DLL1: variants seen among roughly 807,000 people sequenced by gnomAD.
DLL1 encodes the protein delta-like protein 1.
A neutral mutation model predicts 75.1 loss-of-function variants in DLL1; 9 were observed. The ratio of observed to expected loss-of-function variants is 0.12; its 90% CI spans 0.07 to 0.21. DLL1 has a LOEUF of 0.21. Among genes scored for constraint, DLL1 ranks in the 10% least tolerant of loss-of-function variants. The pLI is 1.00. For synonymous variants in DLL1, 477 were observed against 418.3 expected, an observed-to-expected ratio of 1.14 and a Z score of -1.71; for missense variants, 837 against 1,007.6, an observed-to-expected ratio of 0.83 and a Z score of 2.29.
In DLL1 at chr6:170,288,324, C is replaced by T; in HGVS notation, c.585G>A (p.Arg195=). ...GEGCSVFCRP[R]DDAFGHFTCG... Reference sequence around the variant, plus strand: ...AGGTGAAGTGGCCGAAGGCATCGTCCCGGGGACGGCAGAAAACGGAGCAGC... The same window carrying T: ...AGGTGAAGTGGCCGAAGGCATCGTCTCGGGGACGGCAGAAAACGGAGCAGC... The change falls in exon 4 of 11, where the codon CGG becomes CGA. Residue 195 remains arginine, a synonymous_variant. Transcript: ENST00000366756. 3 of 1,614,048 alleles carry T rather than the reference C, an allele frequency of 1.9e-6. No homozygotes were observed. The highest frequency in any genetic ancestry group is 2.5e-6 in the Non-Finnish European group (3 of 1,180,042).
rs779751133 is a variant in DLL1 at position 170,285,388 on chromosome 6, T to A, written c.898A>T (p.Asn300Tyr). The A allele has an allele frequency of 3.1e-6, 5 of 1,614,206 alleles. No homozygotes were observed. The highest frequency in any genetic ancestry group is 4.2e-6 in the Non-Finnish European group (5 of 1,180,026). ...CCCGTGTTGGTGCAGGTGGCTCCAT[T>A]CTTGCAGGGCTTATGGTGTGTGCAG... ...NYCTHHKPCK[N>Y]GATCTNTGQG... is the part of the protein sequence containing the mutation. Residue 300 changes from asparagine (N) to tyrosine (Y), a missense_variant, in exon 7 of 11, where the codon AAT becomes TAT. Asn to Tyr is a moderately radical substitution (Grantham distance 143, BLOSUM62 -2). This residue lies in a region of DLL1 where 304 missense variants were observed against 461.9 expected (regional missense o/e 0.66). Coordinates refer to ENST00000366756, the MANE Select transcript of DLL1 (RefSeq NM_005618.4).
At chr6:170,289,133 G>T in intron 2 of DLL1, 1 of 590,450 alleles carries the variant, frequency 1.7e-6, no homozygotes. Context: ...GGCACGCTCC[G>T]GGTGGTAGCG....
chr6:170,290,081 C>G lies in DLL1; in HGVS notation c.54+5G>C, dbSNP rs759462238. 6.3e-6 allele frequency: 10 copies of G among 1,581,106 alleles called. No homozygotes were observed. The highest frequency in any genetic ancestry group is 7.7e-6 in the Non-Finnish European group (9 of 1,172,518). ...GGGCCGCGGCGCCCCCACCTGCCCG[C>G]CTACCTGACACAGCAAGGCCGAGAG... is the stretch of plus-strand genomic sequence containing the variant. On this transcript the variant is annotated splice_donor_5th_base_variant and intron_variant, in intron 1 of 10. Coordinates refer to ENST00000366756, the MANE Select transcript of DLL1 (RefSeq NM_005618.4). This position sits in a 1 kb window ranked among gnomAD's most constrained non-coding sequence, Gnocchi z 4.7.
intron 8 of DLL1, 147 bp downstream of exon 8, chr6:170,284,772 A>C: frequency 1.1e-6 from 1 of 879,144 alleles, no homozygotes; most frequent in Non-Finnish European, 1.9e-6. Flanking sequence ...TTCCAGACTC[A>C]AAGATAGAGT....
At position 170,286,278 on chromosome 6, in the gene DLL1, C is replaced by A; in HGVS notation, c.691G>T (p.Asp231Tyr). The A allele has an allele frequency of 6.2e-7, 1 of 1,614,244 alleles. No homozygotes were observed. The highest frequency in any genetic ancestry group is 2.2e-5 in the East Asian group (1 of 44,882). ...TTGTCACAAAATCCATGCTGCTCAT[C>A]ACATCCAGGCAGGCAGATCGCTACA... The part of the protein sequence containing the change: ...CTEPICLPGC[D>Y]EQHGFCDKPG... Residue 231 changes from aspartate to tyrosine, a missense_variant, in exon 5 of 11, where the codon GAT becomes TAT. By Grantham distance (160) the Asp-to-Tyr change is radical. Around this residue, in one of 2 missense-constraint regions of DLL1, gnomAD observed 304 missense variants for 461.9 expected, o/e 0.66. Transcript: ENST00000366756.
At chr6:170,288,973 A>T (rs1783772556) in intron 2 of DLL1, among the ~76,000 whole-genome samples, 184 bp from the exon 3 acceptor site, 1 of 152,156 alleles carries the variant, frequency 6.6e-6, no homozygotes, top group South Asian at 2.1e-4. Context: ...AAGGAAATGG[A>T]AGAACTTTTT....
chr6:170,282,903 G>A (rs1783591437), intron 10 of DLL1, 24 bp from the exon 11 acceptor site: 2 of 1,614,202 alleles, frequency 1.2e-6, no homozygotes, highest in Non-Finnish European at 1.7e-6. Context: ...AGACAAATGG[G>A]AAGTTAGCCT....
intron 5 of DLL1, 128 bp downstream of exon 5, chr6:170,286,110 C>A (rs1674816383): frequency 9.6e-6 from 11 of 1,140,894 alleles, no homozygotes; most frequent in South Asian, 5.1e-5. Context: ...GAGAAAACGG[C>A]CCCCTGTTCA....
Position 170,285,606 on chromosome 6 carries a change from G to A in DLL1, c.825C>T (p.Asn275=). ...HGTCQQPWQC[N]CQEGWGGLFC... ...AAAGGCCCCCCCAGCCTTCCTGGCAGTTGCACTGCCAGGGCTGCTGGCAGG... is the reference window on the plus strand; with the variant it reads ...AAAGGCCCCCCCAGCCTTCCTGGCAATTGCACTGCCAGGGCTGCTGGCAGG... Residue 275 remains asparagine, a synonymous_variant, in exon 6 of 11, where the codon AAC becomes AAT. Transcript: ENST00000366756. 6.2e-7 allele frequency: 1 copy of A among 1,614,094 alleles called. No individual in the cohort carries two copies. Among genetic ancestry groups the A allele is most frequent in the Non-Finnish European group, 8.5e-7 (1 of 1,180,034 alleles).
Position 170,288,312 on chromosome 6 carries a change from G to A in DLL1, c.597C>T (p.Phe199=), listed in dbSNP as rs147050650. 3.8e-4 allele frequency: 612 copies of A among 1,614,072 alleles called. 8 individuals carry two copies. In the South Asian group the frequency reaches 5.9e-3, roughly 16 times the overall value. The part of the protein sequence containing the change: ...SVFCRPRDDA[F]GHFTCGERGE... ...CACGCTCCCCACAGGTGAAGTGGCC[G>A]AAGGCATCGTCCCGGGGACGGCAGA... is the stretch of plus-strand genomic sequence containing the variant. Residue 199 remains phenylalanine, a synonymous_variant, in exon 4 of 11, where the codon TTC becomes TTT. Coordinates refer to ENST00000366756, the MANE Select transcript of DLL1 (RefSeq NM_005618.4).
At position 170,290,742 on chromosome 6, in the gene DLL1, C is replaced by A. The variant is rs1242551717; in HGVS notation, c.-603G>T. On this transcript the variant is annotated 5_prime_UTR_variant, in exon 1 of 11. Coordinates refer to ENST00000366756, the MANE Select transcript of DLL1 (RefSeq NM_005618.4). The surrounding 1 kb of genome is among the most constrained non-coding windows in gnomAD (Gnocchi z 4.7). The stretch of plus-strand genomic sequence containing the variant: ...GCGGTCGTTCCGGGAGCACTCCGGG[C>A]TCCGATCTCCGGTGTCACAGCAAAG... 4.6e-5 allele frequency: 20 copies of A among 433,528 alleles called. No homozygotes were observed. The highest frequency in any genetic ancestry group is 4.2e-5 in the Admixed American group (1 of 23,544). The allele number at this position is 433,528 out of a possible 1,614,324, so 26.9% of individuals were successfully genotyped here. A position where few individuals can be genotyped will look rare whatever the true frequency, so the allele number is the denominator to read the frequency against.
rs768856714 is a variant in DLL1, at chr6:170,283,574, C to T, written c.1705G>A (p.Val569Ile). The change falls in exon 9 of 11, where the codon GTC (valine) becomes ATC (isoleucine). Residue 569 changes from valine (V) to isoleucine (I), a missense_variant. Physicochemically the swap from Val to Ile is conservative, Grantham distance 29. Transcript: ENST00000366756. ...LLGCAAVVVCVRLRLQKHRPP... is the reference protein window; with the variant it reads ...LLGCAAVVVCIRLRLQKHRPP... Reference sequence around the variant, plus strand: ...CGGTGCTTCTGCAGCCTCAGCCGGACGCAGACCACCACAGCGGCACAGCCC... The same window carrying T: ...CGGTGCTTCTGCAGCCTCAGCCGGATGCAGACCACCACAGCGGCACAGCCC... 4.2e-5 allele frequency: 67 copies of T among 1,613,094 alleles called. No homozygotes were observed. The highest frequency in any genetic ancestry group is 4.9e-5 in the Non-Finnish European group (58 of 1,179,988).
chr6:170,285,786 A>C, intron 5 of DLL1, 87 bp from the exon 6 acceptor site: 2 of 1,565,262 alleles, frequency 1.3e-6, no homozygotes, highest in Non-Finnish European at 8.8e-7. Flanking sequence ...ATCTTCCCGC[A>C]GCACCAGTGA....
Position 170,285,065 on chromosome 6 carries a change from A to T in DLL1, c.1103T>A (p.Met368Lys). The change falls in exon 8 of 11, where the codon ATG becomes AAG. Residue 368 changes from methionine (M) to lysine (K), a missense_variant. Coordinates refer to ENST00000366756, the MANE Select transcript of DLL1 (RefSeq NM_005618.4). ...AAAGCAAGGGCCGTCCGCACAGGTC[A>T]TGGCACTCAATTCACAGATTTTGCC... The part of the protein sequence containing the change: ...FYGKICELSA[M>K]TCADGPCFNG... 4.3e-6 allele frequency: 7 copies of T among 1,614,186 alleles called. No homozygotes were observed. Among genetic ancestry groups the T allele is most frequent in the Non-Finnish European group, 5.9e-6 (7 of 1,180,032 alleles).
At position 170,289,744 on chromosome 6, in the gene DLL1, C is replaced by T. The variant is rs1425192658; in HGVS notation, c.119G>A (p.Gly40Glu). 1 of 1,552,270 alleles carries T rather than the reference C, an allele frequency of 6.4e-7. No homozygotes were observed. The highest frequency in any genetic ancestry group is 8.7e-7 in the Non-Finnish European group (1 of 1,147,876). Residue 40 changes from glycine (G) to glutamate (E), a missense_variant, in exon 2 of 11, where the codon GGG (glycine) becomes GAG (glutamate). By Grantham distance (98) the Gly-to-Glu change is moderately conservative. Transcript: ENST00000366756. Reference protein sequence around the residue: ...QEFVNKKGLLGNRNCCRGGAG... With the variant: ...QEFVNKKGLLENRNCCRGGAG... Reference sequence around the variant, plus strand: ...GCCCCCGCGGCAGCAGTTGCGGTTCCCCAGCAGCCCCTTCTTGTTGACGAA... The same window carrying T: ...GCCCCCGCGGCAGCAGTTGCGGTTCTCCAGCAGCCCCTTCTTGTTGACGAA...
Position 170,290,938 on chromosome 6 carries a change from C to A in DLL1, c.-799G>T, listed in dbSNP as rs993375373. ...TGCGCGCAGAGGATCTGGCTCTCGC[C>A]GGCGCCTGCCGCCCTTATATTCAGC... On this transcript the variant is annotated 5_prime_UTR_variant, in exon 1 of 11. Transcript: ENST00000366756. The surrounding 1 kb of genome is among the most constrained non-coding windows in gnomAD (Gnocchi z 4.7). 4.3e-6 allele frequency: 3 copies of A among 698,744 alleles called. No individual in the cohort carries two copies. The African/African-American group carries it at 5.2e-5, about 12-fold the overall frequency. 43.3% of individuals were successfully genotyped at this position (698,744 alleles called of 1,614,324 possible).
At chr6:170,284,887 A>T in intron 8 of DLL1, 32 bp downstream of exon 8, 10 of 1,606,166 alleles carry the variant, frequency 6.2e-6, no homozygotes, top group Non-Finnish European at 8.5e-6. Context: ...CGCTCGCCCG[A>T]GTCTCTGAGC....
At chr6:170,289,057 A>G in intron 2 of DLL1, 1 of 598,024 alleles carries the variant, frequency 1.7e-6, no homozygotes, top group Non-Finnish European at 3.0e-6. Flanking sequence ...TTAGAGAGAG[A>G]GAGAGAATGC....
rs1383743082 is a variant in DLL1 at position 170,283,233 on chromosome 6, C to T, written c.2046G>A (p.Arg682=). ...GATGCCCGGCCCGCAGCACGCACCC[C>T]CTGAGTGTGGTCGGGGTCCCCTTCT... ...GEEKGTPTTL[R]GGEASERKRP... Residue 682 remains arginine, a splice_region_variant and synonymous_variant, in exon 9 of 11, where the codon AGG becomes AGA. Transcript: ENST00000366756. 6.2e-7 allele frequency: 1 copy of T among 1,612,788 alleles called. No homozygotes were observed. Among genetic ancestry groups the T allele is most frequent in the East Asian group, 2.2e-5 (1 of 44,854 alleles).
Sources: gnomAD v4.1 joint callset for allele counts (sites outside exome capture counted in the v4.1 genomes callset) on GRCh38, gnomAD v4.1.1 for gene constraint, gnomAD v4.1.1 regional missense constraint, Gnocchi (gnomAD v3.1) non-coding constraint, MANE v1.5 for transcripts, NCBI Gene and HGNC (gene_info 2026-07-23, HGNC 2026-07-21) for gene names.